Variants in HECW1 observed in about 807,000 individuals in gnomAD.
The protein encoded by HECW1 is HECT, C2 and WW domain containing E3 ubiquitin protein ligase 1, also known as E3 ubiquitin-protein ligase HECW1.
In HECW1, 61 loss-of-function variants were observed where a neutral mutation model predicts 182.3. The ratio of observed to expected loss-of-function variants is 0.33; its 90% confidence interval spans 0.27 to 0.41. The LOEUF (loss-of-function observed/expected upper bound fraction) is 0.41, where lower values mean the gene tolerates loss of function less well. Ranked by LOEUF, HECW1 falls within the 10% of genes least tolerant of loss-of-function variation. HECW1 has a pLI of 1.00. For synonymous variants in HECW1, 859 were observed against 832.6 expected, an observed-to-expected ratio of 1.03 and a Z score of -0.55; for missense variants, 1,739 against 2,108.9, an observed-to-expected ratio of 0.82 and a Z score of 3.44.
chr7:43,410,042 C>T (rs1280936914), intron 8 of HECW1, among the ~76,000 whole-genome samples: 1 of 152,210 alleles, frequency 6.6e-6, no homozygotes, highest in Non-Finnish European at 1.5e-5. Flanking sequence ...GATCCCAGCT[C>T]TCCGGGCCTG....
chr7:43,509,427 T>C (rs1216731891), intron 24 of HECW1: 5 of 229,714 alleles, frequency 2.2e-5, no homozygotes, highest in Non-Finnish European at 3.4e-5. Context: ...ACTAAAATCA[T>C]AGGGTCCCAG....
intron 2 of HECW1, chr7:43,119,175 T>C (rs913520686): frequency 6.6e-6 from 1 of 152,358 alleles, no homozygotes; most frequent in African/African-American, 2.4e-5. Context: ...CTTTTGCCTG[T>C]CTTGAGAGCA....
intron 6 of HECW1, among the ~76,000 whole-genome samples, chr7:43,362,675 C>G (rs1816113757): frequency 6.6e-6 from 1 of 152,146 alleles, no homozygotes; most frequent in Non-Finnish European, 1.5e-5. Flanking sequence ...TTAGAGACAG[C>G]TAAATCGAGG....
At chr7:43,275,755 A>T (rs143590853) in intron 3 of HECW1, among the ~76,000 whole-genome samples, 2 of 98,360 alleles carry the variant, frequency 2.0e-5, no homozygotes, top group African/African-American at 3.9e-5. Flanking sequence ...TCCCCCACTC[A>T]CTCCCTGCAA....
chr7:43,459,272 C>G (rs1438974021), intron 13 of HECW1, among the ~76,000 whole-genome samples: 1 of 152,152 alleles, frequency 6.6e-6, no homozygotes, highest in Non-Finnish European at 1.5e-5. Flanking sequence ...TTTTCTGCTC[C>G]CAGCACCTAG....
intron 2 of HECW1, among the ~76,000 whole-genome samples, chr7:43,205,337 C>A (rs1006900876): frequency 6.6e-6 from 1 of 152,182 alleles, no homozygotes; most frequent in Non-Finnish European, 1.5e-5. Flanking sequence ...CCCGCCTTGG[C>A]CTCCCAAACA....
intron 3 of HECW1, among the ~76,000 whole-genome samples, chr7:43,247,718 AGAAG>A (rs1345560345): frequency 1.6e-5 from 2 of 123,032 alleles, no homozygotes; most frequent in East Asian, 5.2e-4. Flanking sequence ...GAGGGAGGGA[AGAAG>A]GAAGGAAGAA....
chr7:43,386,692 A>C (rs994690830), intron 6 of HECW1, among the ~76,000 whole-genome samples: 3 of 152,010 alleles, frequency 2.0e-5, no homozygotes, highest in Non-Finnish European at 4.4e-5. Context: ...TGTGTCACCT[A>C]TCATCTCAAG....
intron 17 of HECW1, among the ~76,000 whole-genome samples, chr7:43,488,173 G>T (rs902748504): frequency 6.6e-6 from 1 of 151,816 alleles, no homozygotes; most frequent in African/African-American, 2.4e-5. Context: ...AACCAGGCAT[G>T]GTGGTGCATG....
At chr7:43,275,186 A>C (rs182243861) in intron 3 of HECW1, among the ~76,000 whole-genome samples, 79 of 152,188 alleles carry the variant, frequency 5.2e-4, no homozygotes, top group African/African-American at 1.8e-3. Context: ...AATCCAACAA[A>C]AAGTTTACTT....
At chr7:43,396,758 T>G in intron 6 of HECW1, 56 bp from the exon 7 acceptor site, 1 of 1,127,132 alleles carries the variant, frequency 8.9e-7, no homozygotes, top group Admixed American at 1.7e-5. Flanking sequence ...TGTTGAAGTG[T>G]GAATATCCAT....
chr7:43,416,173 G>A (rs1413915037), intron 8 of HECW1, among the ~76,000 whole-genome samples: 1 of 149,916 alleles, frequency 6.7e-6, no homozygotes. Context: ...TCTACTTTTG[G>A]TCTTTGATGA....
At position 43,436,076 on chromosome 7, in the gene HECW1, A is replaced by G. The variant is rs184471378; in HGVS notation, c.802-1927A>G. On this transcript the variant is annotated intron_variant, in intron 8 of 29. Coordinates refer to ENST00000395891, the MANE Select transcript of HECW1 (RefSeq NM_015052.5). ...CTACTCGGGAGGTTGAGGCAGGAGAATGGCGTGAACCTGGGAGGCAGAGCT... is the reference window on the plus strand; with the variant it reads ...CTACTCGGGAGGTTGAGGCAGGAGAGTGGCGTGAACCTGGGAGGCAGAGCT... Among the ~76,000 whole-genome samples, 182 of 147,854 alleles carry G rather than the reference A, an allele frequency of 1.2e-3. 1 individual carries two copies. The highest frequency in any genetic ancestry group is 2.0e-3 in the Non-Finnish European group (134 of 67,328).
chr7:43,428,968 A>T (rs1031485906), intron 8 of HECW1, among the ~76,000 whole-genome samples: 1 of 151,758 alleles, frequency 6.6e-6, no homozygotes, highest in African/African-American at 2.4e-5. Flanking sequence ...GTATGTGTAT[A>T]TGTATGTATA....
chr7:43,377,055 T>G (rs1424171713), intron 6 of HECW1, among the ~76,000 whole-genome samples: 1 of 152,122 alleles, frequency 6.6e-6, no homozygotes, highest in South Asian at 2.1e-4. Context: ...TAGTCTGACT[T>G]GTAAGCAGGT....
At chr7:43,460,325 C>T (rs552301550) in intron 13 of HECW1, among the ~76,000 whole-genome samples, 2 of 152,282 alleles carry the variant, frequency 1.3e-5, no homozygotes, top group Admixed American at 1.3e-4. Context: ...AGGTGCTCCT[C>T]GTATTTTGAT....
intron 2 of HECW1, among the ~76,000 whole-genome samples, chr7:43,227,097 T>C (rs908094945): frequency 1.3e-5 from 2 of 152,228 alleles, no homozygotes; most frequent in African/African-American, 2.4e-5. Context: ...ATTATTAACA[T>C]TAATTATTTC....
rs371093893 is a variant in HECW1 at position 43,225,298 on chromosome 7, C to T, written c.-31-18577C>T. ...AAAGAGTGTAAAAATAGGTGAACTG[C>T]ACAGATGGTGGGAGAATCAACTCTT... is the stretch of plus-strand genomic sequence containing the variant. On this transcript the variant is annotated intron_variant, in intron 2 of 29. Coordinates refer to ENST00000395891, the MANE Select transcript of HECW1 (RefSeq NM_015052.5). Among the ~76,000 whole-genome samples the T allele has an allele frequency of 2.6e-5, 4 of 152,122 alleles. No homozygotes were observed. The South Asian group carries it at 8.3e-4, about 32-fold the overall frequency.
At chr7:43,555,897 A>G (rs2082002253) in intron 29 of HECW1, among the ~76,000 whole-genome samples, 1 of 100,130 alleles carries the variant, frequency 1.0e-5, no homozygotes, top group African/African-American at 4.7e-5. Flanking sequence ...CAGAATTTGC[A>G]TTTGTTAAGT....
Sources: gnomAD v4.1 joint callset for allele counts (sites outside exome capture counted in the v4.1 genomes callset) on GRCh38, gnomAD v4.1.1 for gene constraint, MANE v1.5 for transcripts, NCBI Gene and HGNC (gene_info 2026-07-23, HGNC 2026-07-21) for gene names.